SNF8: variants seen among roughly 807,000 people sequenced by gnomAD.
SNF8 encodes the protein SNF8 subunit of ESCRT-II.
In SNF8, 19 loss-of-function variants were observed where a neutral mutation model predicts 36.8. That is an observed-to-expected ratio of 0.52 (90% CI 0.36 to 0.76). SNF8 has a LOEUF of 0.76. Ranked by LOEUF, SNF8 falls within the 30% of genes least tolerant of loss-of-function variation. The probability of loss-of-function intolerance (pLI) is 0.00; values close to 1 mark genes in which losing one functional copy is unlikely to be tolerated. For missense variants in SNF8, 268 were observed against 322.9 expected, an observed-to-expected ratio of 0.83 and a Z score of 1.30; for synonymous variants, 127 against 127.4, an observed-to-expected ratio of 1.00 and a Z score of 0.02.
chr17:48,941,880 A>T (rs887243253), intron 2 of SNF8, among the ~76,000 whole-genome samples: 1 of 151,938 alleles, frequency 6.6e-6, no homozygotes, highest in Admixed American at 6.6e-5. Context: ...TAGTGGAGAC[A>T]GGGTTTCATC....
intron 2 of SNF8, among the ~76,000 whole-genome samples, chr17:48,942,587 C>G (rs1345770748): frequency 6.6e-6 from 1 of 152,108 alleles, no homozygotes; most frequent in Non-Finnish European, 1.5e-5. Flanking sequence ...AGGAGCTGCA[C>G]CCCCCATCAC....
chr17:48,943,890 C>T (rs760251608), intron 2 of SNF8, 35 bp downstream of exon 2: 26 of 1,601,928 alleles, frequency 1.6e-5, no homozygotes, highest in African/African-American at 2.7e-5. Flanking sequence ...CTGGTTAGGT[C>T]TCCCTCCCTG....
intron 2 of SNF8, among the ~76,000 whole-genome samples, chr17:48,942,337 CAAA>C (rs199516410): frequency 7.1e-5 from 8 of 113,376 alleles, no homozygotes; most frequent in Admixed American, 9.2e-5. Flanking sequence ...AACTTGGTCT[CAAA>C]AAAAAAAAAA....
chr17:48,937,980 G>A (rs1446499644), intron 3 of SNF8, among the ~76,000 whole-genome samples: 1 of 151,358 alleles, frequency 6.6e-6, no homozygotes, highest in Admixed American at 6.6e-5. Flanking sequence ...TAAAACAAAA[G>A]TCATTTCTAT....
intron 6 of SNF8, chr17:48,932,641 T>C (rs7214832): frequency 0.13 from 20,269 of 152,364 alleles, 1,444 homozygotes; most frequent in African/African-American, 0.15. Flanking sequence ...TAATCCCAGC[T>C]ACTCGGGAGG....
chr17:48,938,367 G>C (rs550121303), intron 3 of SNF8, among the ~76,000 whole-genome samples: 1 of 151,838 alleles, frequency 6.6e-6, no homozygotes, highest in South Asian at 2.1e-4. Flanking sequence ...ATGGTGGTGG[G>C]CACCTGTAAT....
intron 4 of SNF8, 179 bp downstream of exon 4, chr17:48,936,841 G>C (rs2040941540): frequency 1.6e-6 from 1 of 638,686 alleles, no homozygotes; most frequent in Admixed American, 2.7e-5. Flanking sequence ...AATCGTTCAG[G>C]TAATTCTATT....
intron 3 of SNF8, among the ~76,000 whole-genome samples, chr17:48,939,122 G>A (rs1204164417): frequency 1.3e-5 from 2 of 151,488 alleles, no homozygotes; most frequent in East Asian, 2.0e-4. Flanking sequence ...GCCGGGCATG[G>A]TGGCACATGC....
intron 2 of SNF8, 92 bp downstream of exon 2, chr17:48,943,833 G>A: frequency 8.5e-7 from 1 of 1,172,874 alleles, no homozygotes; most frequent in Non-Finnish European, 1.3e-6. Flanking sequence ...CCTATTTCTA[G>A]TTCAATCTAC....
intron 2 of SNF8, among the ~76,000 whole-genome samples, chr17:48,941,508 C>A (rs573739737): frequency 6.6e-6 from 1 of 151,694 alleles, no homozygotes; most frequent in East Asian, 1.9e-4. Context: ...AAATCTTTAC[C>A]CCCCCCAGCC....
intron 3 of SNF8, 69 bp from the exon 4 acceptor site, chr17:48,937,193 A>C: frequency 8.5e-7 from 1 of 1,170,492 alleles, no homozygotes; most frequent in Admixed American, 1.7e-5. Context: ...TCAAACCTGC[A>C]TTAAAACATC....
intron 1 of SNF8, 45 bp from the exon 2 acceptor site, chr17:48,944,020 G>T (rs1388409987): frequency 6.3e-7 from 1 of 1,596,502 alleles, no homozygotes; most frequent in Non-Finnish European, 8.6e-7. Context: ...GTGGGCGCTG[G>T]AGGCCAGGCG....
Position 48,940,918 on chromosome 17 carries a change from T to A in SNF8, c.244+6A>T, listed in dbSNP as rs2041013156. ...GAACGCTGGACCCCTACAGACAACTTCTTACAGGCCAGCGGATCCACGCCA... is the reference window on the plus strand; with the variant it reads ...GAACGCTGGACCCCTACAGACAACTACTTACAGGCCAGCGGATCCACGCCA... On this transcript the variant is annotated splice_donor_region_variant and intron_variant, in intron 3 of 7. Coordinates refer to ENST00000502492, the MANE Select transcript of SNF8 (RefSeq NM_007241.4). 1 of 1,611,636 alleles carries A rather than the reference T, an allele frequency of 6.2e-7. No individual in the cohort carries two copies. Among genetic ancestry groups the A allele is most frequent in the Non-Finnish European group, 8.5e-7 (1 of 1,179,544 alleles).
intron 2 of SNF8, among the ~76,000 whole-genome samples, chr17:48,943,417 T>C (rs2041060199): frequency 6.6e-6 from 1 of 152,122 alleles, no homozygotes; most frequent in Non-Finnish European, 1.5e-5. Context: ...GAGACCAGTC[T>C]GACCAACATG....
chr17:48,939,077 T>G (rs2040981291), intron 3 of SNF8, among the ~76,000 whole-genome samples: 1 of 149,880 alleles, frequency 6.7e-6, no homozygotes, highest in Non-Finnish European at 1.5e-5. Flanking sequence ...GCCAAGATGG[T>G]GAAACTCCGT....
At chr17:48,931,883 C>T (rs2040864939) in intron 6 of SNF8, 166 bp from the exon 7 acceptor site, 2 of 545,374 alleles carry the variant, frequency 3.7e-6, no homozygotes, top group East Asian at 6.5e-5. Flanking sequence ...AGAGAAGTGA[C>T]TTTCAGCATG....
At chr17:48,941,512 C>G (rs150636018) in intron 2 of SNF8, among the ~76,000 whole-genome samples, 1,883 of 152,134 alleles carry the variant, frequency 0.012, 47 homozygotes, top group African/African-American at 0.04. Context: ...CTTTACCCCC[C>G]CCAGCCGACA....
At chr17:48,944,233 T>G in intron 1 of SNF8, 3 of 447,844 alleles carry the variant, frequency 6.7e-6, no homozygotes, top group East Asian at 4.3e-5. Context: ...ACCCTGGAGG[T>G]GGAGGTTGCA....
intron 2 of SNF8, among the ~76,000 whole-genome samples, chr17:48,943,393 G>A (rs768395122): frequency 6.6e-6 from 1 of 152,226 alleles, no homozygotes; most frequent in Non-Finnish European, 1.5e-5. Context: ...GGCGGATCAC[G>A]AGGTCAAGAA....
Sources: gnomAD v4.1 joint callset for allele counts (sites outside exome capture counted in the v4.1 genomes callset) on GRCh38, gnomAD v4.1.1 for gene constraint, MANE v1.5 for transcripts, NCBI Gene and HGNC (gene_info 2026-07-23, HGNC 2026-07-21) for gene names.